The following ANO2 variants were observed in gnomAD, a reference collection of about 807,000 sequenced individuals.
ANO2 encodes the protein anoctamin-2.
A neutral mutation model predicts 124.2 loss-of-function variants in ANO2; 101 were observed. The ratio of observed to expected loss-of-function variants is 0.81; its 90% CI spans 0.69 to 0.96. The LOEUF (loss-of-function observed/expected upper bound fraction) is 0.96, where lower values mean the gene tolerates loss of function less well. Ranked by LOEUF, ANO2 falls within the 40% of genes least tolerant of loss-of-function variation. The probability of loss-of-function intolerance (pLI) is 0.00; values close to 1 mark genes in which losing one functional copy is unlikely to be tolerated. For synonymous variants in ANO2, 486 were observed against 482.5 expected (o/e 1.01, Z -0.09); for missense variants, 1,293 against 1,274.5 (o/e 1.01, Z -0.22).
At position 5,658,265 on chromosome 12, in the gene ANO2, G is replaced by A. The variant is rs112441324; in HGVS notation, c.1546-10464C>T. Among the ~76,000 whole-genome samples, 481 of 152,292 alleles carry A rather than the reference G, an allele frequency of 3.2e-3. 4 individuals carry two copies. Among genetic ancestry groups the A allele is most frequent in the African/African-American group, 0.011 (465 of 41,558 alleles). ...ACCCATAACAAAGAGATTGAAAATA[G>A]TGCCAACGGTATGAGATTGCTGCTA... On this transcript the variant is annotated intron_variant, in intron 14 of 24. Transcript: ENST00000682330. This position sits in a 1 kb window ranked among gnomAD's most constrained non-coding sequence, Gnocchi z 4.3.
At chr12:5,880,657 A>G (rs1475950935) in intron 3 of ANO2, among the ~76,000 whole-genome samples, 2 of 152,188 alleles carry the variant, frequency 1.3e-5, no homozygotes, top group Non-Finnish European at 2.9e-5. Flanking sequence ...CAAGGATTGA[A>G]TGGATCTTCT....
intron 14 of ANO2, among the ~76,000 whole-genome samples, chr12:5,671,775 T>G (rs1036328829): frequency 6.6e-6 from 1 of 152,232 alleles, no homozygotes; most frequent in Non-Finnish European, 1.5e-5. Context: ...ATTTTCTTTA[T>G]GATGACCATA....
rs747406275 is a variant in ANO2, at chr12:5,635,247, AC to A, written c.1720del (p.Val574Ter). 1.2e-6 allele frequency: 2 copies of A among 1,613,106 alleles called. No individual in the cohort carries two copies. Among genetic ancestry groups the A allele is most frequent in the East Asian group, 2.2e-5 (1 of 44,816 alleles). ...LNKATRSNVR[V>X]TVTATAVIIN... The stretch of plus-strand genomic sequence containing the variant: ...GATGACTGCTGTTGCTGTCACTGTC[AC>A]CCGGACATTGGAGCGTGTAGCCTTA... On this transcript the variant is annotated frameshift_variant, in exon 16 of 25. Transcript: ENST00000682330. LOFTEE classifies it high-confidence loss of function. This position sits in a 1 kb window ranked among gnomAD's most constrained non-coding sequence, Gnocchi z 5.2.
intron 14 of ANO2, among the ~76,000 whole-genome samples, chr12:5,650,548 A>G (rs1342705013): frequency 6.6e-6 from 1 of 152,218 alleles, no homozygotes; most frequent in Non-Finnish European, 1.5e-5. Context: ...ACTAGTAAAG[A>G]TGACAGTGAG....
chr12:5,745,907 T>C (rs1951253492), intron 11 of ANO2, among the ~76,000 whole-genome samples: 1 of 152,174 alleles, frequency 6.6e-6, no homozygotes, highest in African/African-American at 2.4e-5. Flanking sequence ...GTCAGACCTG[T>C]GTTTGCTATG....
At chr12:5,843,091 C>A (rs1016873553) in intron 4 of ANO2, among the ~76,000 whole-genome samples, 2 of 152,136 alleles carry the variant, frequency 1.3e-5, no homozygotes, top group African/African-American at 4.8e-5. Flanking sequence ...AAGAGAAAGA[C>A]CCCACCTATA....
intron 24 of ANO2, chr12:5,564,599 G>C (rs1941636575): frequency 6.6e-6 from 1 of 152,222 alleles, no homozygotes; most frequent in African/African-American, 2.4e-5. Context: ...TGGGCATCTT[G>C]GGTGCTTGGG....
rs142546003 is a variant in ANO2 at position 5,839,166 on chromosome 12, G to A, written c.634-6563C>T. On this transcript the variant is annotated intron_variant, in intron 4 of 24. Transcript: ENST00000682330. ...CTCGCTGCCTTGGGAGAGGAGGGGA[G>A]AGAGGTGGAGCCCAAGAAACTCCCT... is the stretch of plus-strand genomic sequence containing the variant. Among the ~76,000 whole-genome samples, 399 of 152,334 alleles carry A rather than the reference G, an allele frequency of 2.6e-3. 3 individuals carry two copies. Among genetic ancestry groups the A allele is most frequent in the African/African-American group, 9.2e-3 (384 of 41,560 alleles).
intron 12 of ANO2, among the ~76,000 whole-genome samples, 197 bp from the exon 13 acceptor site, chr12:5,739,596 T>TACACACACACACACACAAACACACACAC (rs1951013599): frequency 1.4e-5 from 2 of 145,182 alleles, no homozygotes; most frequent in Admixed American, 6.8e-5. Context: ...ATAGATATGT[T>TACACACACACACACACAAACACACACAC]ACACACACAC....
At chr12:5,937,965 TG>T (rs773040889) in intron 1 of ANO2, among the ~76,000 whole-genome samples, 1 of 151,064 alleles carries the variant, frequency 6.6e-6, no homozygotes, top group South Asian at 2.1e-4. Flanking sequence ...CCACTCTGGC[TG>T]GGATGGACTT....
chr12:5,806,196 T>G, intron 8 of ANO2, 103 bp from the exon 9 acceptor site: 1 of 1,215,978 alleles, frequency 8.2e-7, no homozygotes, highest in Non-Finnish European at 1.2e-6. Context: ...CATTGCTTTT[T>G]TTTCATTCCC....
intron 17 of ANO2, among the ~76,000 whole-genome samples, chr12:5,614,841 G>T (rs569630133): frequency 6.6e-6 from 1 of 152,268 alleles, no homozygotes; most frequent in East Asian, 1.9e-4. Context: ...ACTACAGGTA[G>T]TTGGCATCAG....
chr12:5,713,214 T>C (rs970822293), intron 14 of ANO2, among the ~76,000 whole-genome samples: 9 of 152,128 alleles, frequency 5.9e-5, no homozygotes, highest in Non-Finnish European at 1.0e-4. Flanking sequence ...AACCCTGCCA[T>C]GGTGCTCGTC....
intron 1 of ANO2, among the ~76,000 whole-genome samples, chr12:5,939,077 C>T (rs1409020839): frequency 2.0e-5 from 3 of 147,120 alleles, no homozygotes; most frequent in Admixed American, 6.8e-5. Context: ...ATTAGCTGGG[C>T]GTAGTGGTGC....
chr12:5,792,703 C>A (rs1207431665), intron 10 of ANO2, among the ~76,000 whole-genome samples: 1 of 152,152 alleles, frequency 6.6e-6, no homozygotes, highest in Admixed American at 6.5e-5. Context: ...TGATCTTTTC[C>A]ATATGTTGTT....
intron 14 of ANO2, among the ~76,000 whole-genome samples, chr12:5,649,348 C>T (rs1160031761): frequency 1.3e-5 from 2 of 152,178 alleles, no homozygotes; most frequent in Non-Finnish European, 1.5e-5. Context: ...TTCAGGTTTG[C>T]ACAGACTTAG....
intron 1 of ANO2, among the ~76,000 whole-genome samples, chr12:5,939,872 G>T (rs1942824134): frequency 6.6e-6 from 1 of 152,204 alleles, no homozygotes; most frequent in East Asian, 1.9e-4. Flanking sequence ...ATGGATTTTG[G>T]TAAGCAGCTA....
intron 4 of ANO2, among the ~76,000 whole-genome samples, chr12:5,833,353 A>G (rs10774377): frequency 0.55 from 82,968 of 152,066 alleles, 26,723 homozygotes; most frequent in East Asian, 0.73. Context: ...AGTCATTGAG[A>G]CACAGAAGTT....
At position 5,921,160 on chromosome 12, in the gene ANO2, C is replaced by G; in HGVS notation, c.414G>C (p.Gly138=). The G allele has an allele frequency of 6.2e-7, 1 of 1,614,020 alleles. No homozygotes were observed. The highest frequency in any genetic ancestry group is 8.5e-7 in the Non-Finnish European group (1 of 1,179,900). Residue 138 remains glycine (G), a synonymous_variant, in exon 3 of 25, where the codon GGG becomes GGC. Transcript: ENST00000682330. ...GTCCCAGCTCAATGTCACCTGGGCC[C>G]CCAGCATGAGGCTCCTTGCCTGTCT... The part of the protein sequence containing the change: ...NGETGKEPHA[G]GPGDIELGPL...
Sources: allele counts gnomAD v4.1 joint callset (sites outside exome capture counted in the v4.1 genomes callset), GRCh38; gene constraint gnomAD v4.1.1; non-coding constraint Gnocchi (gnomAD v3.1); transcripts MANE v1.5; gene names NCBI Gene and HGNC (gene_info 2026-07-23, HGNC 2026-07-21).